The following TULP4 variants were observed in gnomAD, a reference collection of about 807,000 sequenced individuals.
TULP4 encodes the protein TUB like protein 4, also known as tubby-related protein 4.
Under a neutral mutation model 129.0 loss-of-function variants are expected in TULP4, and 16 were observed. That is an observed-to-expected ratio of 0.12 (90% CI 0.08 to 0.19). TULP4 has a LOEUF of 0.19. Ranked by LOEUF, TULP4 falls within the 10% of genes least tolerant of loss-of-function variation. TULP4 has a pLI of 1.00. For missense variants in TULP4, 1,842 were observed against 2,059.1 expected, an observed-to-expected ratio of 0.89 and a Z score of 2.04; for synonymous variants, 998 against 854.0, an observed-to-expected ratio of 1.17 and a Z score of -2.94.
At chr6:158,294,238 C>T (rs896277862) in intron 1 of TULP4, among the ~76,000 whole-genome samples, 9 of 151,970 alleles carry the variant, frequency 5.9e-5, no homozygotes, top group Non-Finnish European at 1.2e-4. Context: ...GTGGTGGGCA[C>T]CTGTAGTCCA....
At chr6:158,482,792 C>T (rs1291337428) in intron 8 of TULP4, among the ~76,000 whole-genome samples, 2 of 152,138 alleles carry the variant, frequency 1.3e-5, no homozygotes, top group East Asian at 3.8e-4. Context: ...AGGTGAAGAG[C>T]TTATTTCCTC....
Position 158,502,683 on chromosome 6 carries a change from C to G in TULP4, c.3020C>G (p.Ala1007Gly). The G allele has an allele frequency of 1.9e-6, 3 of 1,556,876 alleles. No homozygotes were observed. Among genetic ancestry groups the G allele is most frequent in the Non-Finnish European group, 2.6e-6 (3 of 1,156,578 alleles). Residue 1007 changes from alanine to glycine, a missense_variant, in exon 13 of 14, where the codon GCC (alanine) becomes GGC (glycine). By Grantham distance (60) the Ala-to-Gly change is moderately conservative. This residue lies in a region of TULP4 where 1,089 missense variants were observed against 987.1 expected (regional missense o/e 1.10). Transcript: ENST00000367097. The part of the protein sequence containing the change: ...KMAQLADSPR[A>G]PLQPLAKSKG... ...GCCCAGCTGGCCGACAGCCCGCGGGCCCCCCTGCAGCCCCTGGCCAAGTCC... is the reference window on the plus strand; with the variant it reads ...GCCCAGCTGGCCGACAGCCCGCGGGGCCCCCTGCAGCCCCTGGCCAAGTCC...
At chr6:158,478,410 G>C (rs867532646) in intron 6 of TULP4, among the ~76,000 whole-genome samples, 1 of 152,168 alleles carries the variant, frequency 6.6e-6, no homozygotes, top group African/African-American at 2.4e-5. Context: ...GGGGGTTGAC[G>C]ATACCAGAGT....
In TULP4 at chr6:158,260,873, T is replaced by C. The variant is rs573722248; in HGVS notation, n.68+28570T>C. ...TTCGCTCTTGTTGCCCAGGCTGGAG[T>C]GCAATGGCGCAATCTCGGCTCACTG... On this transcript the variant is annotated intron_variant and non_coding_transcript_variant, in intron 1 of 1. Transcript: ENST00000620026. 9.9e-4 allele frequency among the ~76,000 whole-genome samples: 133 copies of C among 134,954 alleles called. 1 individual carries two copies. The highest frequency in any genetic ancestry group is 3.4e-3 in the African/African-American group (124 of 36,592). 88.5% of individuals were successfully genotyped at this position (134,954 alleles called of 152,430 possible). A position where few individuals can be genotyped will look rare whatever the true frequency, so the allele number is the denominator to read the frequency against.
At chr6:158,460,783 G>A (rs1215945169) in intron 5 of TULP4, among the ~76,000 whole-genome samples, 2 of 152,078 alleles carry the variant, frequency 1.3e-5, no homozygotes, top group Non-Finnish European at 2.9e-5. Flanking sequence ...CTAAGACTTT[G>A]TTTTCGATGT....
chr6:158,237,890 G>C, intron 1 of TULP4: 1 of 740,898 alleles, frequency 1.3e-6, no homozygotes, highest in Non-Finnish European at 2.5e-6. Flanking sequence ...AACTGTGCCA[G>C]GGTATGAATA....
At position 158,240,886 on chromosome 6, in the gene TULP4, C is replaced by T. The variant is rs1455253999; in HGVS notation, n.68+8583C>T. On this transcript the variant is annotated intron_variant and non_coding_transcript_variant, in intron 1 of 1. Coordinates refer to the TULP4 transcript ENST00000620026. The stretch of plus-strand genomic sequence containing the variant: ...CCTCCCGGACGGGGTGGCTGCCGGG[C>T]GGAGACGCTCCTCACTTCCCAGATC... Among the ~76,000 whole-genome samples the T allele has an allele frequency of 3.3e-5, 5 of 150,674 alleles. No homozygotes were observed. The East Asian group carries it at 1.0e-3, about 31-fold the overall frequency.
At chr6:158,352,957 C>T (rs891121688) in intron 1 of TULP4, among the ~76,000 whole-genome samples, 3 of 152,074 alleles carry the variant, frequency 2.0e-5, no homozygotes, top group South Asian at 4.2e-4. Flanking sequence ...AATATTCTTT[C>T]GTATTTGTGT....
intron 1 of TULP4, among the ~76,000 whole-genome samples, chr6:158,374,919 G>A (rs960001461): frequency 1.3e-5 from 2 of 152,122 alleles, no homozygotes; most frequent in Non-Finnish European, 2.9e-5. Flanking sequence ...TTAACATTGT[G>A]GACTTGCTAT....
At chr6:158,377,739 T>C (rs774193595) in intron 1 of TULP4, among the ~76,000 whole-genome samples, 20 of 151,756 alleles carry the variant, frequency 1.3e-4, no homozygotes, top group Non-Finnish European at 1.9e-4. Context: ...GTACTAGGAC[T>C]TTTTTTTTCC....
chr6:158,297,968 C>T (rs567576042), intron 1 of TULP4, among the ~76,000 whole-genome samples: 65 of 152,192 alleles, frequency 4.3e-4, no homozygotes, highest in African/African-American at 1.3e-3. Flanking sequence ...ATTCCCAGAG[C>T]GGCCGTTTAT....
rs1221563347 is a variant in TULP4, at chr6:158,507,495, TC to T, written c.*803del. 8.5e-5 allele frequency: 13 copies of T among 152,182 alleles called. No individual in the cohort carries two copies. The highest frequency in any genetic ancestry group is 1.9e-4 in the Non-Finnish European group (13 of 68,040). The allele number at this position is 152,182 out of a possible 1,614,324, so 9.4% of individuals were successfully genotyped here. A position where few individuals can be genotyped will look rare whatever the true frequency, so the allele number is the denominator to read the frequency against. On this transcript the variant is annotated 3_prime_UTR_variant, in exon 14 of 14. Coordinates refer to ENST00000367097, the MANE Select transcript of TULP4 (RefSeq NM_020245.5). ...CACTAGTTTCATCGTTTGTCAAAGT[TC>T]CGTAGGATCAGTGATGGTCATTCAG...
chr6:158,471,349 A>C (rs1779678151), intron 6 of TULP4, among the ~76,000 whole-genome samples: 1 of 152,224 alleles, frequency 6.6e-6, no homozygotes, highest in Non-Finnish European at 1.5e-5. Flanking sequence ...AGTCAGTAGT[A>C]CCGATTGCCT....
At chr6:158,422,432 C>T (rs140735123) in intron 2 of TULP4, among the ~76,000 whole-genome samples, 41 of 152,266 alleles carry the variant, frequency 2.7e-4, no homozygotes, top group Admixed American at 1.0e-3. Flanking sequence ...TTGATTCTTA[C>T]CTCACACCGT....
At chr6:158,423,826 G>C (rs1778411195) in intron 2 of TULP4, among the ~76,000 whole-genome samples, 2 of 152,160 alleles carry the variant, frequency 1.3e-5, no homozygotes, top group Middle Eastern at 3.4e-3. Context: ...ATTTTTAGTA[G>C]AGACGGGGTT....
Position 158,313,433 on chromosome 6 carries a change from T to C in TULP4, c.-584T>C, listed in dbSNP as rs1357001807. ...CCCTTTATGCAATCTTTTTCAGCTT[T>C]AGCAGCAGAAATTTGTCTAGTTCAG... On this transcript the variant is annotated 5_prime_UTR_variant, in exon 1 of 14. Coordinates refer to ENST00000367097, the MANE Select transcript of TULP4 (RefSeq NM_020245.5). 7.5e-6 allele frequency: 3 copies of C among 398,982 alleles called. No individual in the cohort carries two copies. The highest frequency in any genetic ancestry group is 1.3e-4 in the South Asian group (1 of 7,876). The allele number at this position is 398,982 out of a possible 1,614,324, so 24.7% of individuals were successfully genotyped here. A position where few individuals can be genotyped will look rare whatever the true frequency, so the allele number is the denominator to read the frequency against.
chr6:158,299,889 C>T (rs1037808299), intron 1 of TULP4, among the ~76,000 whole-genome samples: 2 of 152,010 alleles, frequency 1.3e-5, no homozygotes, highest in African/African-American at 4.8e-5. Context: ...CTATTATAAG[C>T]GAGATCCAGT....
chr6:158,426,487 CGTTG>C (rs976037298), intron 2 of TULP4, among the ~76,000 whole-genome samples: 16 of 121,692 alleles, frequency 1.3e-4, no homozygotes, highest in South Asian at 9.4e-4. Flanking sequence ...GTCCTTTCCC[CGTTG>C]TTTGTTTTTG....
At chr6:158,463,506 G>T (rs891292317) in intron 6 of TULP4, among the ~76,000 whole-genome samples, 2 of 151,942 alleles carry the variant, frequency 1.3e-5, no homozygotes, top group Non-Finnish European at 2.9e-5. Flanking sequence ...TAGGGTGGGG[G>T]TAGCGGGGAG....
Sources: allele counts gnomAD v4.1 joint callset (sites outside exome capture counted in the v4.1 genomes callset), GRCh38; gene constraint gnomAD v4.1.1; regional missense constraint gnomAD v4.1.1; transcripts MANE v1.5; gene names NCBI Gene and HGNC (gene_info 2026-07-23, HGNC 2026-07-21).